KIRREL1: variants seen among roughly 807,000 people sequenced by gnomAD.
KIRREL1 encodes kin of IRRE-like protein 1.
A neutral mutation model predicts 83.3 loss-of-function variants in KIRREL1; 25 were observed. The observed-to-expected ratio is 0.30, with a 90% CI of 0.22 to 0.42. KIRREL1 has a LOEUF of 0.42. KIRREL1 is among the 10% of genes least tolerant of loss of function. The probability of loss-of-function intolerance (pLI) is 1.00; values close to 1 mark genes in which losing one functional copy is unlikely to be tolerated. For synonymous variants in KIRREL1, 388 were observed against 410.4 expected (o/e 0.95, Z 0.66); for missense variants, 812 against 1,032.3 (o/e 0.79, Z 2.92).
chr1:158,096,080 T>A lies in KIRREL1; in HGVS notation c.*960T>A, dbSNP rs144882187. ...AACAAAAAACAATGAAAACCTCATT[T>A]GGGAAGAAAAGCTGTAGGGATTCCC... On this transcript the variant is annotated 3_prime_UTR_variant, in exon 15 of 15. Coordinates refer to ENST00000359209, the MANE Select transcript of KIRREL1 (RefSeq NM_018240.7). The A allele has an allele frequency of 4.3e-4, 66 of 153,834 alleles. No individual in the cohort carries two copies. The highest frequency in any genetic ancestry group is 1.4e-3 in the African/African-American group (60 of 41,580). 9.5% of individuals were successfully genotyped at this position (153,834 alleles called of 1,614,324 possible). A position where few individuals can be genotyped will look rare whatever the true frequency, so the allele number is the denominator to read the frequency against.
At chr1:158,001,855 A>C (rs1189132720) in intron 1 of KIRREL1, among the ~76,000 whole-genome samples, 1 of 152,184 alleles carries the variant, frequency 6.6e-6, no homozygotes, top group Non-Finnish European at 1.5e-5. Context: ...ACTTCTTGCA[A>C]AGACTCCCCT....
intron 1 of KIRREL1, among the ~76,000 whole-genome samples, chr1:158,050,899 A>G (rs943209839): frequency 2.0e-5 from 3 of 152,140 alleles, no homozygotes; most frequent in Non-Finnish European, 4.4e-5. Flanking sequence ...AGATTAGTCT[A>G]TTTGATCCGT....
chr1:158,056,536 A>G (rs1013507344), intron 1 of KIRREL1, among the ~76,000 whole-genome samples: 6 of 152,112 alleles, frequency 3.9e-5, no homozygotes, highest in Admixed American at 3.3e-4. Context: ...CTTAGGAAAA[A>G]GAGGAGCACC....
rs1019314327 is a variant in KIRREL1 at position 158,094,470 on chromosome 1, T to A, written c.1797+80T>A. Reference sequence around the variant, plus strand: ...GAGGTCCTGTAGCGGGGAGGTGAGGTGAGGACAGACTTGGGGAGGAGTGGT... The same window carrying A: ...GAGGTCCTGTAGCGGGGAGGTGAGGAGAGGACAGACTTGGGGAGGAGTGGT... On this transcript the variant is annotated intron_variant, in intron 14 of 14. Coordinates refer to ENST00000359209, the MANE Select transcript of KIRREL1 (RefSeq NM_018240.7). The surrounding 1 kb of genome is among the most constrained non-coding windows in gnomAD (Gnocchi z 4.6). 2.8e-6 allele frequency: 4 copies of A among 1,440,330 alleles called. No homozygotes were observed. The African/African-American group carries it at 5.6e-5, about 20-fold the overall frequency. 89.2% of individuals were successfully genotyped at this position (1,440,330 alleles called of 1,614,324 possible). A position where few individuals can be genotyped will look rare whatever the true frequency, so the allele number is the denominator to read the frequency against.
chr1:158,067,308 TCTC>T (rs1293246743), intron 1 of KIRREL1, among the ~76,000 whole-genome samples: 5 of 152,088 alleles, frequency 3.3e-5, no homozygotes, highest in African/African-American at 1.2e-4. Context: ...TGGCCTCTCT[TCTC>T]CTATGCCGGA....
intron 1 of KIRREL1, among the ~76,000 whole-genome samples, chr1:157,998,938 G>T (rs1557983124): frequency 6.6e-6 from 1 of 152,196 alleles, no homozygotes; most frequent in Non-Finnish European, 1.5e-5. Context: ...CCACAGTTGA[G>T]AGTTTAAGTA....
intron 1 of KIRREL1, among the ~76,000 whole-genome samples, chr1:158,007,929 G>A (rs1157548550): frequency 2.6e-5 from 4 of 152,034 alleles, no homozygotes; most frequent in Non-Finnish European, 5.9e-5. Context: ...TGAAGCATTT[G>A]GAGCTTGATA....
chr1:158,065,883 CT>C (rs1661345636), intron 1 of KIRREL1, among the ~76,000 whole-genome samples: 2 of 152,102 alleles, frequency 1.3e-5, no homozygotes, highest in Middle Eastern at 3.2e-3. Flanking sequence ...CTCTCTTGTT[CT>C]TTTGTCCTTC....
chr1:158,012,922 G>A (rs962492270), intron 1 of KIRREL1, among the ~76,000 whole-genome samples: 1 of 152,250 alleles, frequency 6.6e-6, no homozygotes, highest in African/African-American at 2.4e-5. Flanking sequence ...TACATTGGAG[G>A]ATGTTTAGCT....
At chr1:158,031,356 T>G (rs927796354) in intron 1 of KIRREL1, among the ~76,000 whole-genome samples, 1 of 151,614 alleles carries the variant, frequency 6.6e-6, no homozygotes, top group Non-Finnish European at 1.5e-5. Context: ...CACACACACA[T>G]GCACACACAC....
At chr1:158,015,833 T>G (rs1278720289) in intron 1 of KIRREL1, among the ~76,000 whole-genome samples, 1 of 152,178 alleles carries the variant, frequency 6.6e-6, no homozygotes, top group Non-Finnish European at 1.5e-5. Flanking sequence ...TTATTTCTCT[T>G]GTTTTTAGTC....
At chr1:158,015,190 C>T (rs1659797241) in intron 1 of KIRREL1, among the ~76,000 whole-genome samples, 1 of 152,200 alleles carries the variant, frequency 6.6e-6, no homozygotes, top group Admixed American at 6.5e-5. Flanking sequence ...TTGAGTCCTG[C>T]CATACCTTCA....
rs1338777098 is a variant in KIRREL1, at chr1:158,086,622, G to A, written c.537G>A (p.Glu179=). The stretch of plus-strand genomic sequence containing the variant: ...AATTGCTGAAGGATGGGAAGAGGGA[G>A]ACCACCGTGAGCCAACTGCTTATTA... ...STELLKDGKR[E]TTVSQLLINP... The change falls in exon 5 of 15, where the codon GAG becomes GAA. Residue 179 remains glutamate (E), a synonymous_variant. Coordinates refer to ENST00000359209, the MANE Select transcript of KIRREL1 (RefSeq NM_018240.7). The A allele has an allele frequency of 1.9e-6, 3 of 1,552,066 alleles. No individual in the cohort carries two copies.
intron 8 of KIRREL1, 50 bp from the exon 9 acceptor site, chr1:158,089,452 A>G: frequency 6.2e-7 from 1 of 1,610,598 alleles, no homozygotes; most frequent in Non-Finnish European, 8.5e-7. Context: ...TCATGGACCT[A>G]GGGGCCCAGG....
chr1:158,021,963 G>T (rs1660013484), intron 1 of KIRREL1, among the ~76,000 whole-genome samples: 1 of 152,074 alleles, frequency 6.6e-6, no homozygotes, highest in South Asian at 2.1e-4. Context: ...GGTAAATCTG[G>T]AGCAGGGCTC....
chr1:158,084,247 G>A (rs1216818643), intron 3 of KIRREL1, among the ~76,000 whole-genome samples, 175 bp from the exon 4 acceptor site: 1 of 152,176 alleles, frequency 6.6e-6, no homozygotes, highest in Non-Finnish European at 1.5e-5. Context: ...TGAGGACCTA[G>A]AGGAAGCCAC....
At chr1:158,034,456 A>G (rs915591859) in intron 1 of KIRREL1, among the ~76,000 whole-genome samples, 44 of 152,220 alleles carry the variant, frequency 2.9e-4, no homozygotes, top group African/African-American at 1.0e-3. Flanking sequence ...CATGACCAAA[A>G]TGGAAGGGTG....
chr1:158,076,451 C>G (rs1661684671), intron 2 of KIRREL1, among the ~76,000 whole-genome samples, 189 bp downstream of exon 2: 1 of 152,238 alleles, frequency 6.6e-6, no homozygotes, highest in South Asian at 2.1e-4. Flanking sequence ...TACCTTTCCT[C>G]CCACTGAGGA....
intron 1 of KIRREL1, among the ~76,000 whole-genome samples, chr1:158,057,238 C>T (rs1487113428): frequency 5.3e-5 from 8 of 152,016 alleles, no homozygotes; most frequent in Non-Finnish European, 8.8e-5. Flanking sequence ...TTTGGGGACA[C>T]GTGGGATGGT....
Sources: allele counts gnomAD v4.1 joint callset (sites outside exome capture counted in the v4.1 genomes callset), GRCh38; gene constraint gnomAD v4.1.1; non-coding constraint Gnocchi (gnomAD v3.1); transcripts MANE v1.5; gene names NCBI Gene and HGNC (gene_info 2026-07-23, HGNC 2026-07-21).